The following CNTN5 variants were observed in gnomAD, a reference collection of about 807,000 sequenced individuals.
The protein encoded by CNTN5 is contactin 5, also known as contactin-5.
CNTN5 carries 77 observed loss-of-function variants against 129.1 expected under a neutral mutation model. The observed-to-expected ratio is 0.60, with a 90% confidence interval of 0.50 to 0.72. The LOEUF (loss-of-function observed/expected upper bound fraction) is 0.72. Ranked by LOEUF, CNTN5 falls within the 30% of genes least tolerant of loss-of-function variation. The pLI is 0.00. For missense variants in CNTN5, 1,478 were observed against 1,328.8 expected (o/e 1.11, Z -1.75); for synonymous variants, 509 against 465.6 (o/e 1.09, Z -1.20).
Position 99,741,346 on chromosome 11 carries a change from T to C in CNTN5, c.56-78198T>C, listed in dbSNP as rs574341907. Among the ~76,000 whole-genome samples, 13 of 152,232 alleles carry C rather than the reference T, an allele frequency of 8.5e-5. No homozygotes were observed. In the East Asian group the frequency reaches 1.9e-3, roughly 23 times the overall value. On this transcript the variant is annotated intron_variant, in intron 3 of 24. Transcript: ENST00000524871. ...ATTCAGTTGCACCTTTTTATTCTTT[T>C]TGTATTTCCAAATTCTGAGATTCAG... is the stretch of plus-strand genomic sequence containing the variant.
intron 12 of CNTN5, among the ~76,000 whole-genome samples, chr11:100,073,543 C>T (rs1591184263): frequency 6.6e-6 from 1 of 151,604 alleles, no homozygotes; most frequent in South Asian, 2.1e-4. Flanking sequence ...CTTTTAGATT[C>T]AAAAGTGTTT....
chr11:99,448,827 G>C (rs1477214784), intron 2 of CNTN5, among the ~76,000 whole-genome samples: 4 of 149,370 alleles, frequency 2.7e-5, no homozygotes, highest in Non-Finnish European at 5.9e-5. Context: ...GCCCAGGCTG[G>C]AGAGTGGTGG....
intron 2 of CNTN5, among the ~76,000 whole-genome samples, chr11:99,401,013 A>C (rs1313394344): frequency 6.6e-6 from 1 of 152,060 alleles, no homozygotes; most frequent in African/African-American, 2.4e-5. Flanking sequence ...GAAAATATTT[A>C]CTTCCAACCT....
intron 1 of CNTN5, among the ~76,000 whole-genome samples, chr11:99,217,044 G>A (rs190185560): frequency 1.3e-5 from 2 of 152,212 alleles, no homozygotes; most frequent in East Asian, 3.9e-4. Context: ...TTAGCCACGT[G>A]TGGCATGTGC....
At chr11:99,701,720 T>C (rs1415085532) in intron 3 of CNTN5, among the ~76,000 whole-genome samples, 1 of 151,098 alleles carries the variant, frequency 6.6e-6, no homozygotes, top group Non-Finnish European at 1.5e-5. Flanking sequence ...AATAAACCTG[T>C]ACTGCTTTCA....
Position 99,802,223 on chromosome 11 carries a change from C to T in CNTN5, c.56-17321C>T, listed in dbSNP as rs1180423462. ...TTGACCTACAGGCCTGTAGTTTGTG[C>T]TATGGGTAAGAGACAGTTACAGCTA... On this transcript the variant is annotated intron_variant, in intron 3 of 24. Coordinates refer to ENST00000524871, the MANE Select transcript of CNTN5 (RefSeq NM_014361.4). Among the ~76,000 whole-genome samples the T allele has an allele frequency of 2.0e-5, 3 of 152,124 alleles. No individual in the cohort carries two copies. The East Asian group carries it at 5.8e-4, about 29-fold the overall frequency.
chr11:99,023,712 C>T (rs760091019), intron 1 of CNTN5, among the ~76,000 whole-genome samples: 11 of 152,122 alleles, frequency 7.2e-5, no homozygotes, highest in African/African-American at 1.4e-4. Context: ...TGTAATTTGC[C>T]GAATCCATTC....
At chr11:99,666,104 A>T (rs972397219) in intron 3 of CNTN5, among the ~76,000 whole-genome samples, 4 of 151,898 alleles carry the variant, frequency 2.6e-5, no homozygotes, top group Admixed American at 2.6e-4. Context: ...ATTAGCTAGA[A>T]TTATAGGTAT....
At chr11:99,256,015 G>T (rs867577359) in intron 1 of CNTN5, among the ~76,000 whole-genome samples, 8 of 151,914 alleles carry the variant, frequency 5.3e-5, no homozygotes, top group Admixed American at 1.3e-4. Flanking sequence ...TGATCAGTAG[G>T]CTAGAAATAT....
At chr11:99,379,506 G>C (rs1389951095) in intron 2 of CNTN5, among the ~76,000 whole-genome samples, 1 of 152,068 alleles carries the variant, frequency 6.6e-6, no homozygotes, top group Non-Finnish European at 1.5e-5. Flanking sequence ...GATATGACAT[G>C]AAAGGAGATA....
intron 21 of CNTN5, chr11:100,336,926 G>A (rs1341097754): frequency 2.5e-5 from 16 of 641,084 alleles, no homozygotes; most frequent in African/African-American, 3.6e-5. Flanking sequence ...TGCAGTCCCC[G>A]GTAGGCTTTG....
chr11:99,178,282 A>C (rs1035126624), intron 1 of CNTN5, among the ~76,000 whole-genome samples: 2 of 151,320 alleles, frequency 1.3e-5, no homozygotes, highest in South Asian at 4.2e-4. Flanking sequence ...GGATTTCAAG[A>C]CCAGTCTCAG....
At chr11:100,063,370 A>G (rs2137819519) in intron 10 of CNTN5, among the ~76,000 whole-genome samples, 1 of 151,520 alleles carries the variant, frequency 6.6e-6, no homozygotes, top group East Asian at 1.9e-4. Flanking sequence ...AGCGTGCATC[A>G]CTTTGAATAG....
At chr11:99,701,811 A>T (rs898297979) in intron 3 of CNTN5, among the ~76,000 whole-genome samples, 1 of 151,098 alleles carries the variant, frequency 6.6e-6, no homozygotes, top group Non-Finnish European at 1.5e-5. Flanking sequence ...AACTATGAAG[A>T]TGATTCATAG....
chr11:99,356,050 T>C (rs546931941), intron 2 of CNTN5, among the ~76,000 whole-genome samples: 4 of 151,942 alleles, frequency 2.6e-5, no homozygotes, highest in African/African-American at 9.6e-5. Flanking sequence ...ATGGTCTCAA[T>C]CTCCTGACCT....
intron 9 of CNTN5, 103 bp from the exon 10 acceptor site, chr11:100,061,109 T>C (rs1943456451): frequency 3.4e-6 from 3 of 870,058 alleles, no homozygotes; most frequent in Admixed American, 2.5e-5. Flanking sequence ...TGTGATTACA[T>C]TTTATTGCAC....
chr11:99,556,677 A>T (rs927119413), intron 3 of CNTN5, among the ~76,000 whole-genome samples: 7 of 147,866 alleles, frequency 4.7e-5, no homozygotes, highest in Admixed American at 6.9e-5. Context: ...ATTTTATAGC[A>T]GCTAATTATA....
At chr11:99,338,381 A>G (rs1268268669) in intron 2 of CNTN5, among the ~76,000 whole-genome samples, 2 of 152,176 alleles carry the variant, frequency 1.3e-5, no homozygotes, top group African/African-American at 4.8e-5. Flanking sequence ...TCAAATCACA[A>G]GAATGAGTAG....
At chr11:99,896,236 C>A (rs1025245245) in intron 6 of CNTN5, among the ~76,000 whole-genome samples, 2 of 152,180 alleles carry the variant, frequency 1.3e-5, no homozygotes, top group Non-Finnish European at 2.9e-5. Context: ...CTTCACTGCT[C>A]TCTGCCAAAC....
Sources: allele counts gnomAD v4.1 joint callset (sites outside exome capture counted in the v4.1 genomes callset), GRCh38; gene constraint gnomAD v4.1.1; transcripts MANE v1.5; gene names NCBI Gene and HGNC (gene_info 2026-07-23, HGNC 2026-07-21).